The following AGAP1 variants were observed in gnomAD, a reference collection of about 807,000 sequenced individuals.
AGAP1 encodes ArfGAP with GTPase domain, ankyrin repeat and PH domain 1.
A neutral mutation model predicts 105.3 loss-of-function variants in AGAP1; 29 were observed. That is an observed-to-expected ratio of 0.28 (90% CI 0.21 to 0.38). The LOEUF is 0.38. Among genes scored for constraint, AGAP1 ranks in the 10% least tolerant of loss-of-function variants. The probability of loss-of-function intolerance (pLI) is 1.00; values close to 1 mark genes in which losing one functional copy is unlikely to be tolerated. For synonymous variants in AGAP1, 509 were observed against 485.9 expected, an observed-to-expected ratio of 1.05 and a Z score of -0.63; for missense variants, 998 against 1,165.1, an observed-to-expected ratio of 0.86 and a Z score of 2.09.
chr2:235,646,175 T>A (rs1947376717), intron 1 of AGAP1, among the ~76,000 whole-genome samples: 1 of 148,918 alleles, frequency 6.7e-6, no homozygotes, highest in Admixed American at 6.9e-5. Flanking sequence ...CTCGGGAAGC[T>A]GAGGCAGGAG....
intron 1 of AGAP1, among the ~76,000 whole-genome samples, chr2:235,646,951 T>C (rs1018396886): frequency 3.9e-5 from 6 of 152,036 alleles, no homozygotes; most frequent in Non-Finnish European, 8.8e-5. Flanking sequence ...CTGGCTAACA[T>C]GGTGAAACCC....
In AGAP1 at chr2:235,713,114, C is replaced by T. The variant is rs140304786; in HGVS notation, c.222+3877C>T. On this transcript the variant is annotated intron_variant, in intron 2 of 17. Coordinates refer to ENST00000304032, the MANE Select transcript of AGAP1 (RefSeq NM_001037131.3). ...CTTGTTAGGTGGAAGAAGGCAGGAA[C>T]GTTGCTATGCAGAGAAGGCACAGAC... Among the ~76,000 whole-genome samples, 563 of 152,210 alleles carry T rather than the reference C, an allele frequency of 3.7e-3. 3 individuals are homozygous for T. Among genetic ancestry groups the T allele is most frequent in the Non-Finnish European group, 3.9e-3 (268 of 68,016 alleles).
At chr2:235,942,231 A>C (rs967388500) in intron 12 of AGAP1, among the ~76,000 whole-genome samples, 2 of 152,142 alleles carry the variant, frequency 1.3e-5, no homozygotes, top group African/African-American at 4.8e-5. Context: ...CACTGCAGAC[A>C]ACCCGCGATT....
intron 16 of AGAP1, among the ~76,000 whole-genome samples, chr2:236,057,957 G>T (rs1035800573): frequency 6.6e-5 from 10 of 152,156 alleles, no homozygotes; most frequent in African/African-American, 2.4e-4. Flanking sequence ...CTCCCCGGGG[G>T]TTGTGGAGGG....
chr2:235,852,218 A>G (rs2048496757), intron 9 of AGAP1, among the ~76,000 whole-genome samples: 1 of 152,258 alleles, frequency 6.6e-6, no homozygotes, highest in Non-Finnish European at 1.5e-5. Context: ...GTAGCCGATT[A>G]CCCAATTTGA....
chr2:235,510,969 G>A (rs1451247223), intron 1 of AGAP1, among the ~76,000 whole-genome samples: 1 of 102,584 alleles, frequency 9.7e-6, no homozygotes, highest in East Asian at 3.5e-4. Flanking sequence ...GCCAAGATCA[G>A]TTTTCAACAA....
intron 16 of AGAP1, among the ~76,000 whole-genome samples, chr2:236,091,688 C>T (rs1415624026): frequency 2.0e-5 from 3 of 152,200 alleles, no homozygotes; most frequent in Non-Finnish European, 4.4e-5. Flanking sequence ...AGGAGGATGG[C>T]TTGAGCCTGG....
chr2:235,549,831 T>C lies in AGAP1; in HGVS notation c.163+54982T>C, dbSNP rs1353354300. Among the ~76,000 whole-genome samples, 1 of 152,138 alleles carries C rather than the reference T, an allele frequency of 6.6e-6. No homozygotes were observed. The highest frequency in any genetic ancestry group is 6.5e-5 in the Admixed American group (1 of 15,274). On this transcript the variant is annotated intron_variant, in intron 1 of 17. Transcript: ENST00000304032. This position sits in a 1 kb window ranked among gnomAD's most constrained non-coding sequence, Gnocchi z 4.2. Reference sequence around the variant, plus strand: ...ATCCTAGTTGCATCTCACCGCGGCCTAACATCCCCGGGAGCATGGGGATTA... The same window carrying C: ...ATCCTAGTTGCATCTCACCGCGGCCCAACATCCCCGGGAGCATGGGGATTA...
chr2:235,939,285 C>T (rs143743702), intron 12 of AGAP1, among the ~76,000 whole-genome samples: 10 of 152,196 alleles, frequency 6.6e-5, no homozygotes, highest in Non-Finnish European at 1.2e-4. Context: ...CACTTCTCTC[C>T]CATGCCAAAA....
chr2:235,907,366 G>A (rs1035126734), intron 10 of AGAP1, among the ~76,000 whole-genome samples: 3 of 152,162 alleles, frequency 2.0e-5, no homozygotes, highest in Non-Finnish European at 2.9e-5. Flanking sequence ...AGTGCTTTGG[G>A]AGGCTGAGGT....
rs185865675 is a variant in AGAP1, at chr2:235,651,361, C to T, written c.164-57818C>T. ...ATATCTCCATCAGCAATGTTCTTAA[C>T]ATGTTTTGTTTTTGACATACTCCAG... is the stretch of plus-strand genomic sequence containing the variant. On this transcript the variant is annotated intron_variant, in intron 1 of 17. Coordinates refer to ENST00000304032, the MANE Select transcript of AGAP1 (RefSeq NM_001037131.3). Among the ~76,000 whole-genome samples the T allele has an allele frequency of 1.8e-4, 28 of 152,164 alleles. 2 individuals carry two copies. The highest frequency in any genetic ancestry group is 1.8e-3 in the Admixed American group (27 of 15,282).
At position 236,050,951 on chromosome 2, in the gene AGAP1, G is replaced by C. The variant is rs1198094023; in HGVS notation, c.2114+1670G>C. Among the ~76,000 whole-genome samples the C allele has an allele frequency of 6.6e-6, 1 of 152,174 alleles. No individual in the cohort carries two copies. The highest frequency in any genetic ancestry group is 2.1e-4 in the South Asian group (1 of 4,830). ...TTTTGTAGTTCTAATTTGCATCCTT[G>C]AATTAAGTTCTTGAGTGCAGAGCCC... On this transcript the variant is annotated intron_variant, in intron 16 of 17. Transcript: ENST00000304032. The surrounding 1 kb of genome is among the most constrained non-coding windows in gnomAD (Gnocchi z 4.0).
At chr2:235,774,648 A>G (rs566881234) in intron 6 of AGAP1, among the ~76,000 whole-genome samples, 1 of 152,252 alleles carries the variant, frequency 6.6e-6, no homozygotes, top group Non-Finnish European at 1.5e-5. Flanking sequence ...GCTGCTCGCA[A>G]TTACCCTAGA....
In AGAP1 at chr2:236,035,731, A is replaced by G. The variant is rs576573934; in HGVS notation, c.1646-830A>G. Reference sequence around the variant, plus strand: ...GGGAGTAGGGACAGGAATAATGAACAGAGGCCGACGTGGATCTGTGGAGTG... The same window carrying G: ...GGGAGTAGGGACAGGAATAATGAACGGAGGCCGACGTGGATCTGTGGAGTG... On this transcript the variant is annotated intron_variant, in intron 13 of 17. Transcript: ENST00000304032. The surrounding 1 kb of genome is among the most constrained non-coding windows in gnomAD (Gnocchi z 4.2). Among the ~76,000 whole-genome samples the G allele has an allele frequency of 2.0e-5, 3 of 152,308 alleles. No homozygotes were observed. Among genetic ancestry groups the G allele is most frequent in the African/African-American group, 7.2e-5 (3 of 41,578 alleles).
chr2:235,632,530 G>A (rs1009246503), intron 1 of AGAP1, among the ~76,000 whole-genome samples: 1 of 152,218 alleles, frequency 6.6e-6, no homozygotes, highest in Non-Finnish European at 1.5e-5. Context: ...CACACCTGGG[G>A]TCATCTGTGA....
At chr2:235,545,056 T>C (rs1943578375) in intron 1 of AGAP1, among the ~76,000 whole-genome samples, 1 of 152,226 alleles carries the variant, frequency 6.6e-6, no homozygotes, top group South Asian at 2.1e-4. Flanking sequence ...GTCCCAACCT[T>C]CCATCCCTTA....
At chr2:236,013,946 G>A (rs2056605789) in intron 13 of AGAP1, among the ~76,000 whole-genome samples, 1 of 152,118 alleles carries the variant, frequency 6.6e-6, no homozygotes, top group South Asian at 2.1e-4. Context: ...TTTCTGAGTT[G>A]ATAGTTGGGA....
At chr2:235,708,992 C>A (rs962481181) in intron 1 of AGAP1, among the ~76,000 whole-genome samples, 187 bp from the exon 2 acceptor site, 1 of 152,170 alleles carries the variant, frequency 6.6e-6, no homozygotes, top group Non-Finnish European at 1.5e-5. Context: ...CCTGGAACTC[C>A]CCACTGGCAT....
At position 235,577,781 on chromosome 2, in the gene AGAP1, G is replaced by GAGT. The variant is rs1294511778; in HGVS notation, c.163+82935_163+82937dup. Among the ~76,000 whole-genome samples the GAGT allele has an allele frequency of 6.6e-6, 1 of 152,132 alleles. No individual in the cohort carries two copies. The highest frequency in any genetic ancestry group is 1.5e-5 in the Non-Finnish European group (1 of 68,042). On this transcript the variant is annotated intron_variant, in intron 1 of 17. Transcript: ENST00000304032. The surrounding 1 kb of genome is among the most constrained non-coding windows in gnomAD (Gnocchi z 4.5). ...GTCTGCTGGCCTCCCCCGGGAGAGA[G>GAGT]AGTAGGTTTGCTATTCCTGAAATGT...
Sources: gnomAD v4.1 joint callset for allele counts (sites outside exome capture counted in the v4.1 genomes callset) on GRCh38, gnomAD v4.1.1 for gene constraint, Gnocchi (gnomAD v3.1) non-coding constraint, MANE v1.5 for transcripts, NCBI Gene and HGNC (gene_info 2026-07-23, HGNC 2026-07-21) for gene names.